The following ACADSB variants were observed in gnomAD, a reference collection of about 807,000 sequenced individuals.
The protein encoded by ACADSB is acyl-CoA dehydrogenase short/branched chain.
A neutral mutation model predicts 54.1 loss-of-function variants in ACADSB; 40 were observed. The ratio of observed to expected loss-of-function variants is 0.74; its 90% confidence interval spans 0.57 to 0.96. The LOEUF (loss-of-function observed/expected upper bound fraction) is 0.96, where lower values mean the gene tolerates loss of function less well. Among genes scored for constraint, ACADSB ranks in the 40% least tolerant of loss-of-function variants. ACADSB has a pLI of 0.00. For missense variants in ACADSB, 530 were observed against 510.4 expected (o/e 1.04, Z -0.37); for synonymous variants, 182 against 182.8 (o/e 1.00, Z 0.03).
intron 3 of ACADSB, among the ~76,000 whole-genome samples, chr10:123,039,967 T>C (rs934545616): frequency 3.3e-5 from 5 of 152,184 alleles, no homozygotes; most frequent in African/African-American, 1.2e-4. Context: ...AATATACAGT[T>C]TCTGTTACAG....
chr10:123,022,744 A>G (rs1850199032), intron 1 of ACADSB, among the ~76,000 whole-genome samples: 1 of 152,238 alleles, frequency 6.6e-6, no homozygotes, highest in Non-Finnish European at 1.5e-5. Context: ...TAATGAAACC[A>G]TAAAGAACAA....
chr10:123,013,796 G>T (rs112752359), intron 1 of ACADSB, among the ~76,000 whole-genome samples: 1 of 152,198 alleles, frequency 6.6e-6, no homozygotes, highest in Admixed American at 6.5e-5. Flanking sequence ...CGGCCGCTCC[G>T]AGTGCAGGGC....
At chr10:123,046,469 C>T (rs1397517296) in intron 7 of ACADSB, among the ~76,000 whole-genome samples, 1 of 152,142 alleles carries the variant, frequency 6.6e-6, no homozygotes, top group African/African-American at 2.4e-5. Context: ...TCACCACGTC[C>T]TGTGTAAATT....
At chr10:123,028,432 A>C (rs952423319) in intron 1 of ACADSB, among the ~76,000 whole-genome samples, 1 of 152,210 alleles carries the variant, frequency 6.6e-6, no homozygotes, top group Admixed American at 6.5e-5. Context: ...TGGGAAGCCA[A>C]GGCAGAAGGA....
chr10:123,015,655 G>A (rs1280297241), intron 1 of ACADSB, among the ~76,000 whole-genome samples: 6 of 152,214 alleles, frequency 3.9e-5, no homozygotes, highest in Admixed American at 3.9e-4. Flanking sequence ...ACCTGGTAGG[G>A]AACTTTCTCT....
At chr10:123,035,011 G>A (rs891998602) in intron 2 of ACADSB, among the ~76,000 whole-genome samples, 1 of 150,894 alleles carries the variant, frequency 6.6e-6, no homozygotes, top group Non-Finnish European at 1.5e-5. Flanking sequence ...GTGCAGTGGC[G>A]CAATCTCGGC....
intron 1 of ACADSB, among the ~76,000 whole-genome samples, chr10:123,033,251 G>A (rs529163336): frequency 2.0e-5 from 3 of 152,194 alleles, no homozygotes; most frequent in African/African-American, 4.8e-5. Context: ...TAACTGGCCA[G>A]TGTTTCTTGT....
At chr10:123,024,423 C>G (rs1850222582) in intron 1 of ACADSB, among the ~76,000 whole-genome samples, 1 of 152,200 alleles carries the variant, frequency 6.6e-6, no homozygotes, top group Non-Finnish European at 1.5e-5. Flanking sequence ...TGGAGAGTGG[C>G]CCTGGCCAGA....
At chr10:123,018,853 C>A (rs1850141437) in intron 1 of ACADSB, among the ~76,000 whole-genome samples, 1 of 152,092 alleles carries the variant, frequency 6.6e-6, no homozygotes, top group South Asian at 2.1e-4. Flanking sequence ...AACACAGGAA[C>A]AACCCGCCCC....
chr10:123,022,035 C>T (rs1850191140), intron 1 of ACADSB, among the ~76,000 whole-genome samples: 1 of 148,706 alleles, frequency 6.7e-6, no homozygotes, highest in Non-Finnish European at 1.5e-5. Context: ...AAACAAGATT[C>T]AAGAAGAGAA....
At chr10:123,009,182 C>G in intron 1 of ACADSB, 111 bp downstream of exon 1, 1 of 1,210,846 alleles carries the variant, frequency 8.3e-7, no homozygotes, top group Non-Finnish European at 1.2e-6. Context: ...GAGCCCCGCT[C>G]CACGTCCTGG....
intron 1 of ACADSB, among the ~76,000 whole-genome samples, chr10:123,032,275 G>A (rs1467551843): frequency 1.3e-5 from 2 of 151,690 alleles, no homozygotes; most frequent in Non-Finnish European, 2.9e-5. Context: ...CACTGCACCC[G>A]GCCTCGTGAG....
At chr10:123,051,207 A>AG in intron 9 of ACADSB, 21 bp downstream of exon 9, 2 of 1,376,328 alleles carry the variant, frequency 1.5e-6, no homozygotes, top group South Asian at 1.3e-5. Flanking sequence ...AAAAAAAAAA[A>AG]AAAAAGGAAA....
At chr10:123,021,002 C>CAATA (rs769518375) in intron 1 of ACADSB, among the ~76,000 whole-genome samples, 51 of 152,228 alleles carry the variant, frequency 3.4e-4, no homozygotes, top group Non-Finnish European at 5.6e-4. Context: ...AACTCCGTCT[C>CAATA]AATAAATAAA....
intron 1 of ACADSB, among the ~76,000 whole-genome samples, chr10:123,033,237 C>T (rs1441744258): frequency 6.6e-6 from 1 of 152,162 alleles, no homozygotes; most frequent in Non-Finnish European, 1.5e-5. Flanking sequence ...TACCACTTTT[C>T]TTCTAACTGG....
rs932189758 is a variant in ACADSB at position 123,055,683 on chromosome 10, G to T, written c.*1918G>T. The T allele has an allele frequency of 6.6e-6, 1 of 152,198 alleles. No individual in the cohort carries two copies. The highest frequency in any genetic ancestry group is 1.5e-5 in the Non-Finnish European group (1 of 68,044). The allele number at this position is 152,198 out of a possible 1,614,324, so 9.4% of individuals were successfully genotyped here. ...AAACTAGTTACTTCCTAGATACAAT[G>T]GGGGTACAGGTATTGGGTAAATACA... On this transcript the variant is annotated 3_prime_UTR_variant, in exon 11 of 11. Coordinates refer to ENST00000358776, the MANE Select transcript of ACADSB (RefSeq NM_001609.4).
intron 1 of ACADSB, among the ~76,000 whole-genome samples, chr10:123,020,512 C>T (rs919118970): frequency 6.6e-6 from 1 of 152,174 alleles, no homozygotes; most frequent in Non-Finnish European, 1.5e-5. Flanking sequence ...TGGATTGTTT[C>T]CAGTTTTTTA....
chr10:123,032,715 G>A lies in ACADSB; in HGVS notation c.43-1641G>A, dbSNP rs532272576. On this transcript the variant is annotated intron_variant, in intron 1 of 10. Transcript: ENST00000358776. ...AGTGATTCTCCTGCCTCCACCTCCC[G>A]AGTAGCTGGGATTACAGGCATGTGC... Among the ~76,000 whole-genome samples the A allele has an allele frequency of 3.7e-3, 550 of 150,050 alleles. 2 individuals carry two copies. The highest frequency in any genetic ancestry group is 0.013 in the African/African-American group (516 of 40,776).
intron 7 of ACADSB, among the ~76,000 whole-genome samples, chr10:123,045,153 ATATATATATATATATATATTT>A (rs1850538498): frequency 9.8e-5 from 1 of 10,198 alleles, no homozygotes; most frequent in African/African-American, 3.9e-4. Context: ...ATATATATAT[ATATATATATATATATATATTT>A]TTTTTTTTTT....
Sources: gnomAD v4.1 joint callset for allele counts (sites outside exome capture counted in the v4.1 genomes callset) on GRCh38, gnomAD v4.1.1 for gene constraint, MANE v1.5 for transcripts, NCBI Gene and HGNC (gene_info 2026-07-23, HGNC 2026-07-21) for gene names.